LRRC4C: variants seen among roughly 807,000 people sequenced by gnomAD.
The protein encoded by LRRC4C is leucine-rich repeat-containing protein 4C.
In LRRC4C, 5 loss-of-function variants were observed where a neutral mutation model predicts 33.6. That is an observed-to-expected ratio of 0.15 (90% CI 0.08 to 0.31). The LOEUF is 0.31. Ranked by LOEUF, LRRC4C falls within the 10% of genes least tolerant of loss-of-function variation. The probability of loss-of-function intolerance (pLI) is 1.00; values close to 1 mark genes in which losing one functional copy is unlikely to be tolerated. For missense variants in LRRC4C, 560 were observed against 796.7 expected (o/e 0.70, Z 3.58); for synonymous variants, 329 against 302.0 (o/e 1.09, Z -0.93).
At chr11:40,612,672 T>C (rs766275780) in intron 3 of LRRC4C, among the ~76,000 whole-genome samples, 2 of 151,906 alleles carry the variant, frequency 1.3e-5, no homozygotes, top group Admixed American at 6.6e-5. Flanking sequence ...GTGGTCTGCA[T>C]ACAGAACACT....
intron 1 of LRRC4C, among the ~76,000 whole-genome samples, chr11:41,238,605 T>C (rs989575449): frequency 1.3e-5 from 2 of 152,136 alleles, no homozygotes; most frequent in South Asian, 2.1e-4. Flanking sequence ...CCTTTGCTTG[T>C]GAGATAATAA....
intron 1 of LRRC4C, among the ~76,000 whole-genome samples, chr11:41,219,676 T>G (rs2136373787): frequency 6.6e-6 from 1 of 152,294 alleles, no homozygotes; most frequent in South Asian, 2.1e-4. Context: ...GATTAGAAAT[T>G]TTAGTTGGGA....
At position 40,114,249 on chromosome 11, in the gene LRRC4C, CTTTTT is replaced by C; in HGVS notation, c.*116_*120del. On this transcript the variant is annotated 3_prime_UTR_variant, in exon 7 of 7. Coordinates refer to ENST00000528697, the MANE Select transcript of LRRC4C (RefSeq NM_001258419.2). ...AATTTTTAATAAATAAATTTCTTTTCTTTTTTGTTTTTTTGTAAAGACACTTTTTT... is the reference window on the plus strand; with the variant it reads ...AATTTTTAATAAATAAATTTCTTTTCTGTTTTTTTGTAAAGACACTTTTTT... 1 of 1,118,966 alleles carries C rather than the reference CTTTTT, an allele frequency of 8.9e-7. No homozygotes were observed. The highest frequency in any genetic ancestry group is 1.2e-6 in the Non-Finnish European group (1 of 821,672). The allele number at this position is 1,118,966 out of a possible 1,614,324, so 69.3% of individuals were successfully genotyped here. A position where few individuals can be genotyped will look rare whatever the true frequency, so the allele number is the denominator to read the frequency against.
intron 2 of LRRC4C, among the ~76,000 whole-genome samples, chr11:40,867,835 G>A (rs1287175818): frequency 1.3e-5 from 2 of 152,178 alleles, no homozygotes; most frequent in African/African-American, 4.8e-5. Flanking sequence ...AAGTGCACCT[G>A]ATGCACACCT....
chr11:41,137,545 G>A (rs1351526443), intron 1 of LRRC4C, among the ~76,000 whole-genome samples: 1 of 152,136 alleles, frequency 6.6e-6, no homozygotes, highest in Non-Finnish European at 1.5e-5. Flanking sequence ...CTTGGGCCAT[G>A]GAGTAGCTGA....
At chr11:40,370,202 C>G (rs1028338130) in intron 3 of LRRC4C, among the ~76,000 whole-genome samples, 1 of 152,098 alleles carries the variant, frequency 6.6e-6, no homozygotes, top group Non-Finnish European at 1.5e-5. Context: ...GAGCTGAGAG[C>G]CAGCCAGTAG....
chr11:41,370,210 T>C (rs1170038244), intron 1 of LRRC4C, among the ~76,000 whole-genome samples: 1 of 152,126 alleles, frequency 6.6e-6, no homozygotes, highest in Admixed American at 6.5e-5. Flanking sequence ...GGATAGGGTC[T>C]CACTCTATCA....
chr11:40,726,602 A>G (rs1947302417), intron 2 of LRRC4C, among the ~76,000 whole-genome samples: 2 of 152,174 alleles, frequency 1.3e-5, no homozygotes, highest in Admixed American at 1.3e-4. Flanking sequence ...CTGAAGGAAC[A>G]TATTTCAAAT....
At chr11:40,503,067 C>T (rs1954855124) in intron 3 of LRRC4C, among the ~76,000 whole-genome samples, 2 of 152,060 alleles carry the variant, frequency 1.3e-5, no homozygotes, top group African/African-American at 4.8e-5. Context: ...TCATGCTTTC[C>T]CCAAGACACC....
intron 1 of LRRC4C, among the ~76,000 whole-genome samples, chr11:41,323,752 C>T (rs957957946): frequency 1.3e-5 from 2 of 151,946 alleles, no homozygotes; most frequent in Non-Finnish European, 2.9e-5. Flanking sequence ...TGGTGTATGA[C>T]TCAAAAGAAA....
intron 3 of LRRC4C, among the ~76,000 whole-genome samples, chr11:40,328,296 G>GC (rs1946190677): frequency 6.6e-6 from 1 of 152,114 alleles, no homozygotes; most frequent in Non-Finnish European, 1.5e-5. Context: ...TGTCTAGGAA[G>GC]CCTGCTAGGC....
chr11:40,944,012 T>C (rs1202892021), intron 1 of LRRC4C, among the ~76,000 whole-genome samples: 1 of 152,188 alleles, frequency 6.6e-6, no homozygotes, highest in Non-Finnish European at 1.5e-5. Context: ...AATAGGATTA[T>C]TTTAAGGTTG....
At chr11:40,263,635 G>T (rs952724588) in intron 4 of LRRC4C, among the ~76,000 whole-genome samples, 5 of 152,114 alleles carry the variant, frequency 3.3e-5, no homozygotes, top group Non-Finnish European at 7.4e-5. Flanking sequence ...GACAACAGGC[G>T]CATGCCACAG....
chr11:40,433,549 GA>G (rs1477954308), intron 3 of LRRC4C, among the ~76,000 whole-genome samples: 4 of 151,846 alleles, frequency 2.6e-5, no homozygotes, highest in South Asian at 2.1e-4. Flanking sequence ...AAACTGAAAG[GA>G]AAAAAAATTA....
intron 1 of LRRC4C, among the ~76,000 whole-genome samples, chr11:41,388,367 A>G (rs1382019477): frequency 2.0e-5 from 3 of 151,858 alleles, no homozygotes; most frequent in African/African-American, 4.8e-5. Context: ...ATTTGGATCT[A>G]TATGTAAATA....
In LRRC4C at chr11:41,285,230, T is replaced by C. The variant is rs1021156561; in HGVS notation, c.-496+174201A>G. On this transcript the variant is annotated intron_variant, in intron 1 of 6. Coordinates refer to ENST00000528697, the MANE Select transcript of LRRC4C (RefSeq NM_001258419.2). The stretch of plus-strand genomic sequence containing the variant: ...ATCATTCTATTCATCCATCCATCAA[T>C]CCATCCATCAATTATCCATCATCCA... 1.8e-4 allele frequency among the ~76,000 whole-genome samples: 27 copies of C among 152,280 alleles called. 1 individual carries two copies. In the East Asian group the frequency reaches 5.2e-3, roughly 29 times the overall value.
At chr11:40,924,080 G>T (rs1265899067) in intron 2 of LRRC4C, among the ~76,000 whole-genome samples, 1 of 149,000 alleles carries the variant, frequency 6.7e-6, no homozygotes, top group Middle Eastern at 3.5e-3. Context: ...ATATGTGTGT[G>T]TATATATGTG....
intron 1 of LRRC4C, among the ~76,000 whole-genome samples, chr11:41,402,967 G>A (rs942308290): frequency 7.2e-5 from 11 of 152,100 alleles, no homozygotes; most frequent in African/African-American, 1.4e-4. Flanking sequence ...TGTTCACGCC[G>A]TAAATCAAAC....
At chr11:40,333,492 G>A (rs1946451473) in intron 3 of LRRC4C, among the ~76,000 whole-genome samples, 1 of 151,900 alleles carries the variant, frequency 6.6e-6, no homozygotes, top group Non-Finnish European at 1.5e-5. Flanking sequence ...TGAAGTGGGA[G>A]GATCACCTAA....
Sources: gnomAD v4.1 joint callset for allele counts (sites outside exome capture counted in the v4.1 genomes callset) on GRCh38, gnomAD v4.1.1 for gene constraint, MANE v1.5 for transcripts, NCBI Gene and HGNC (gene_info 2026-07-23, HGNC 2026-07-21) for gene names.